CCDC85C: variants seen among roughly 807,000 people sequenced by gnomAD.
CCDC85C encodes coiled-coil domain containing 85C, also known as coiled-coil domain-containing protein 85C.
A neutral mutation model predicts 38.3 loss-of-function variants in CCDC85C; 18 were observed. The observed-to-expected ratio is 0.47, with a 90% CI of 0.33 to 0.70. CCDC85C has a LOEUF of 0.70. CCDC85C is among the 30% of genes least tolerant of loss of function. The pLI is 0.03. For missense variants in CCDC85C, 566 were observed against 621.2 expected (o/e 0.91, Z 0.94); for synonymous variants, 264 against 293.8 (o/e 0.90, Z 1.04).
chr14:99,561,181 G>A lies in CCDC85C; in HGVS notation c.794-25093C>T, dbSNP rs145723708. Among the ~76,000 whole-genome samples, 38 of 152,318 alleles carry A rather than the reference G, an allele frequency of 2.5e-4. 2 individuals are homozygous for A. The highest frequency in any genetic ancestry group is 1.9e-3 in the East Asian group (10 of 5,170). On this transcript the variant is annotated intron_variant, in intron 1 of 5. Transcript: ENST00000380243. ...TCCCGACAAGCCACATGGCCGTAGCGGCCCTGGCTTCCTGGGACCCAAGGC... is the reference window on the plus strand; with the variant it reads ...TCCCGACAAGCCACATGGCCGTAGCAGCCCTGGCTTCCTGGGACCCAAGGC...
chr14:99,573,162 G>A (rs1898393078), intron 1 of CCDC85C, among the ~76,000 whole-genome samples: 2 of 152,234 alleles, frequency 1.3e-5, no homozygotes, highest in Non-Finnish European at 2.9e-5. Flanking sequence ...GTGCCTCGGA[G>A]TCCCCGCGGG....
intron 2 of CCDC85C, among the ~76,000 whole-genome samples, chr14:99,528,132 A>G (rs1897423304): frequency 6.6e-6 from 1 of 152,116 alleles, no homozygotes; most frequent in Admixed American, 6.6e-5. Context: ...TAGGGGACAG[A>G]GCACACAGCA....
Position 99,524,846 on chromosome 14 carries a change from C to T in CCDC85C, c.868-2606G>A, listed in dbSNP as rs575552822. On this transcript the variant is annotated intron_variant, in intron 2 of 5. Transcript: ENST00000380243. ...CAGGGGGAGGCAGGGGGTCCACTGCCGCTCCCCAGAAACACCCACCTGCCC... is the reference window on the plus strand; with the variant it reads ...CAGGGGGAGGCAGGGGGTCCACTGCTGCTCCCCAGAAACACCCACCTGCCC... 3.2e-4 allele frequency among the ~76,000 whole-genome samples: 48 copies of T among 152,282 alleles called. 1 individual carries two copies. In the South Asian group the frequency reaches 9.7e-3, roughly 31 times the overall value.
In CCDC85C at chr14:99,588,571, G is replaced by GCTGGCC. The variant is rs1226767219; in HGVS notation, c.793+14590_793+14595dup. ...TTATTCTGCTCCTGCTGGCGATGGC[G>GCTGGCC]CTGGCCCGGGAGGCCTGAGGAAGCG... On this transcript the variant is annotated intron_variant, in intron 1 of 5. Coordinates refer to ENST00000380243, the MANE Select transcript of CCDC85C (RefSeq NM_001144995.2). The surrounding 1 kb of genome is among the most constrained non-coding windows in gnomAD (Gnocchi z 5.0). 1.3e-5 allele frequency among the ~76,000 whole-genome samples: 2 copies of GCTGGCC among 152,100 alleles called. No homozygotes were observed. Among genetic ancestry groups the GCTGGCC allele is most frequent in the African/African-American group, 4.8e-5 (2 of 41,428 alleles).
At chr14:99,541,301 C>T (rs745749928) in intron 1 of CCDC85C, among the ~76,000 whole-genome samples, 17 of 152,188 alleles carry the variant, frequency 1.1e-4, no homozygotes, top group South Asian at 2.1e-4. Flanking sequence ...CACAGCACCC[C>T]GCACCCCAAG....
rs1897281910 is a variant in CCDC85C at position 99,520,110 on chromosome 14, C to A, written c.975+2023G>T. On this transcript the variant is annotated intron_variant, in intron 3 of 5. Transcript: ENST00000380243. This position sits in a 1 kb window ranked among gnomAD's most constrained non-coding sequence, Gnocchi z 4.1. ...CAGTGGGCAGGGAGGGGGTGTCCAC[C>A]CCAGAGAGTCACCTGCTTTACCCAG... Among the ~76,000 whole-genome samples, 1 of 152,184 alleles carries A rather than the reference C, an allele frequency of 6.6e-6. No individual in the cohort carries two copies. The highest frequency in any genetic ancestry group is 1.5e-5 in the Non-Finnish European group (1 of 68,014).
chr14:99,601,301 T>A (rs1044101607), intron 1 of CCDC85C, among the ~76,000 whole-genome samples: 4 of 152,230 alleles, frequency 2.6e-5, no homozygotes, highest in African/African-American at 9.6e-5. Context: ...TGGGAAACCC[T>A]ATACTTCAAC....
At position 99,509,269 on chromosome 14, in the gene CCDC85C, C is replaced by G. The variant is rs765051282; in HGVS notation, c.*5977G>C. 1.3e-5 allele frequency: 2 copies of G among 152,338 alleles called. No homozygotes were observed. Among genetic ancestry groups the G allele is most frequent in the Non-Finnish European group, 2.9e-5 (2 of 68,104 alleles). The allele number at this position is 152,338 out of a possible 1,614,324, so 9.4% of individuals were successfully genotyped here. On this transcript the variant is annotated 3_prime_UTR_variant, in exon 6 of 6. Transcript: ENST00000380243. ...TCCTGGGCTGCCTTGGGAAAGGACA[C>G]TCATTCTGTGTGTTTGGCTACCTGT... is the stretch of plus-strand genomic sequence containing the variant.
intron 1 of CCDC85C, among the ~76,000 whole-genome samples, chr14:99,566,772 C>A (rs538971439): frequency 1.3e-5 from 2 of 152,236 alleles, no homozygotes; most frequent in African/African-American, 2.4e-5. Context: ...CACCCCATCA[C>A]GTGGTCCCTC....
In CCDC85C at chr14:99,510,259, C is replaced by T. The variant is rs369022783; in HGVS notation, c.*4987G>A. The T allele has an allele frequency of 5.1e-6, 8 of 1,555,718 alleles. No homozygotes were observed. The highest frequency in any genetic ancestry group is 2.3e-5 in the South Asian group (2 of 85,710). On this transcript the variant is annotated 3_prime_UTR_variant, in exon 6 of 6. Transcript: ENST00000380243. ...GTCCAGATTCCCCCTCCGGCCCACCCGGCCCCTGTGCACCAGCCACCGCCG... is the reference window on the plus strand; with the variant it reads ...GTCCAGATTCCCCCTCCGGCCCACCTGGCCCCTGTGCACCAGCCACCGCCG...
chr14:99,561,976 G>T (rs1898125547), intron 1 of CCDC85C, among the ~76,000 whole-genome samples: 1 of 152,106 alleles, frequency 6.6e-6, no homozygotes, highest in Non-Finnish European at 1.5e-5. Flanking sequence ...CTCTTCCTGG[G>T]CTCCCCACGC....
rs1437911465 is a variant in CCDC85C, at chr14:99,515,278, G to A, written c.1228C>T (p.Leu410=). ...ASSKPSIRQH[L]SGNQFKGPL ...GGCCCCTTGAACTGGTTCCCAGACA[G>A]GTGCTGCCGTATGGAGGGCTTGGAG... Residue 410 remains leucine (L), a synonymous_variant, in exon 6 of 6, where the codon CTG becomes TTG. Coordinates refer to ENST00000380243, the MANE Select transcript of CCDC85C (RefSeq NM_001144995.2). 5.2e-6 allele frequency: 8 copies of A among 1,550,748 alleles called. No individual in the cohort carries two copies. Among genetic ancestry groups the A allele is most frequent in the Middle Eastern group, 1.7e-4 (1 of 6,010 alleles).
At chr14:99,565,933 G>T (rs564246427) in intron 1 of CCDC85C, among the ~76,000 whole-genome samples, 1 of 152,208 alleles carries the variant, frequency 6.6e-6, no homozygotes, top group African/African-American at 2.4e-5. Flanking sequence ...GCTTTCAGCC[G>T]CAGGGCTGCT....
chr14:99,516,298 G>A lies in CCDC85C; in HGVS notation c.1072-12C>T, dbSNP rs917642119. On this transcript the variant is annotated splice_polypyrimidine_tract_variant and intron_variant, in intron 4 of 5. Coordinates refer to ENST00000380243, the MANE Select transcript of CCDC85C (RefSeq NM_001144995.2). This position sits in a 1 kb window ranked among gnomAD's most constrained non-coding sequence, Gnocchi z 5.5. ...TGTACCTCCAGGACCTGAAGGGAACGGGTCTCGGGGTCAGGGGCAGAGGCC... is the reference window on the plus strand; with the variant it reads ...TGTACCTCCAGGACCTGAAGGGAACAGGTCTCGGGGTCAGGGGCAGAGGCC... The A allele has an allele frequency of 2.3e-5, 36 of 1,543,688 alleles. No homozygotes were observed. In the East Asian group the frequency reaches 6.1e-4, roughly 26 times the overall value.
chr14:99,516,401 G>A lies in CCDC85C; in HGVS notation c.1072-115C>T, dbSNP rs895888879. ...TGCGAACCAAAGCTGAGGACCCTGAGCCGCTGGGCCCCTGGGGACAAGCGT... is the reference window on the plus strand; with the variant it reads ...TGCGAACCAAAGCTGAGGACCCTGAACCGCTGGGCCCCTGGGGACAAGCGT... On this transcript the variant is annotated intron_variant, in intron 4 of 5. Coordinates refer to ENST00000380243, the MANE Select transcript of CCDC85C (RefSeq NM_001144995.2). This position sits in a 1 kb window ranked among gnomAD's most constrained non-coding sequence, Gnocchi z 5.5. 1 of 729,718 alleles carries A rather than the reference G, an allele frequency of 1.4e-6. No homozygotes were observed. The highest frequency in any genetic ancestry group is 1.8e-5 in the African/African-American group (1 of 56,876). The allele number at this position is 729,718 out of a possible 1,614,324, so 45.2% of individuals were successfully genotyped here.
chr14:99,522,038 C>T (rs2139900999), intron 3 of CCDC85C, 95 bp downstream of exon 3: 2 of 936,198 alleles, frequency 2.1e-6, no homozygotes, highest in East Asian at 2.7e-5. Flanking sequence ...AACTCAGGCA[C>T]CCAGATCCTT....
chr14:99,565,617 C>T (rs1290020828), intron 1 of CCDC85C, among the ~76,000 whole-genome samples: 2 of 152,156 alleles, frequency 1.3e-5, no homozygotes, highest in African/African-American at 2.4e-5. Flanking sequence ...AGGCTGGGAG[C>T]GGGGGCAGGC....
rs962743352 is a variant in CCDC85C, at chr14:99,520,862, C to A, written c.975+1271G>T. 6.6e-6 allele frequency among the ~76,000 whole-genome samples: 1 copy of A among 152,236 alleles called. No individual in the cohort carries two copies. The highest frequency in any genetic ancestry group is 1.5e-5 in the Non-Finnish European group (1 of 68,042). ...AAAAAAGGAGGCAAGAGGAACAAAC[C>A]CTTTCCCAAGGCTGCCTCCTCCAGG... is the stretch of plus-strand genomic sequence containing the variant. On this transcript the variant is annotated intron_variant, in intron 3 of 5. Transcript: ENST00000380243. The surrounding 1 kb of genome is among the most constrained non-coding windows in gnomAD (Gnocchi z 4.1).
At chr14:99,583,906 C>T (rs1005202392) in intron 1 of CCDC85C, among the ~76,000 whole-genome samples, 3 of 151,454 alleles carry the variant, frequency 2.0e-5, no homozygotes, top group Non-Finnish European at 2.9e-5. Flanking sequence ...GTGTAACAGG[C>T]GGGTACAATC....
Sources: allele counts gnomAD v4.1 joint callset (sites outside exome capture counted in the v4.1 genomes callset), GRCh38; gene constraint gnomAD v4.1.1; non-coding constraint Gnocchi (gnomAD v3.1); transcripts MANE v1.5; gene names NCBI Gene and HGNC (gene_info 2026-07-23, HGNC 2026-07-21).